Variants in PBX1 observed in about 807,000 individuals in gnomAD.
The protein encoded by PBX1 is PBX homeobox 1, also known as pre-B-cell leukemia transcription factor 1.
PBX1 carries 6 observed loss-of-function variants against 53.4 expected under a neutral mutation model. That is an observed-to-expected ratio of 0.11 (90% CI 0.06 to 0.22). PBX1 has a LOEUF of 0.22. Ranked by LOEUF, PBX1 falls within the 10% of genes least tolerant of loss-of-function variation. PBX1 has a pLI of 1.00. For synonymous variants in PBX1, 204 were observed against 212.3 expected (o/e 0.96, Z 0.34); for missense variants, 251 against 551.4 (o/e 0.46, Z 5.46).
chr1:164,562,223 A>G (rs1220636262), intron 1 of PBX1, among the ~76,000 whole-genome samples: 1 of 152,100 alleles, frequency 6.6e-6, no homozygotes, highest in South Asian at 2.1e-4. Context: ...CTTCATGAGG[A>G]TGTGTCTATT....
chr1:164,809,292 C>T (rs1187471540), intron 5 of PBX1, among the ~76,000 whole-genome samples: 1 of 152,092 alleles, frequency 6.6e-6, no homozygotes, highest in Non-Finnish European at 1.5e-5. Flanking sequence ...CCTTCACTTC[C>T]TTCATTATGG....
At chr1:164,663,807 C>G (rs1660652454) in intron 2 of PBX1, among the ~76,000 whole-genome samples, 1 of 152,152 alleles carries the variant, frequency 6.6e-6, no homozygotes, top group South Asian at 2.1e-4. Context: ...AGGGGTGAAC[C>G]CCAGGCCAAC....
intron 6 of PBX1, chr1:164,816,353 T>G (rs1225360938): frequency 1.3e-5 from 2 of 152,180 alleles, no homozygotes; most frequent in Non-Finnish European, 2.9e-5. Context: ...TCCTTTGAGC[T>G]CCCAAATGGT....
At chr1:164,668,459 T>G (rs1660936313) in intron 2 of PBX1, among the ~76,000 whole-genome samples, 1 of 148,726 alleles carries the variant, frequency 6.7e-6, no homozygotes, top group African/African-American at 2.5e-5. Context: ...CCACCATGAC[T>G]TAGGATCACC....
At chr1:164,792,059 G>A (rs912899500) in intron 2 of PBX1, among the ~76,000 whole-genome samples, 7 of 151,930 alleles carry the variant, frequency 4.6e-5, no homozygotes, top group Admixed American at 3.3e-4. Flanking sequence ...TCCTGACCTC[G>A]TGATCAACCC....
chr1:164,778,990 A>G (rs1277156047), intron 2 of PBX1, among the ~76,000 whole-genome samples: 2 of 152,138 alleles, frequency 1.3e-5, no homozygotes, highest in East Asian at 3.9e-4. Flanking sequence ...TGACTAAAAA[A>G]GGGTTAATAA....
intron 2 of PBX1, among the ~76,000 whole-genome samples, chr1:164,701,163 A>G (rs1240853053): frequency 2.6e-5 from 4 of 152,154 alleles, no homozygotes; most frequent in Non-Finnish European, 2.9e-5. Context: ...GCTAGGATAC[A>G]TAGAGTGGTA....
At chr1:164,653,113 C>T (rs541329469) in intron 2 of PBX1, among the ~76,000 whole-genome samples, 69 of 152,040 alleles carry the variant, frequency 4.5e-4, no homozygotes, top group African/African-American at 1.6e-3. Flanking sequence ...GTGATCTGCC[C>T]GCCTCAGCCT....
chr1:164,786,720 T>TGTGTGCGC lies in PBX1; in HGVS notation c.266-5773_266-5772insTGTGCGCG, dbSNP rs1357886882. 1.2e-3 allele frequency among the ~76,000 whole-genome samples: 140 copies of TGTGTGCGC among 116,276 alleles called. No homozygotes were observed. In the Middle Eastern group the frequency reaches 0.028, roughly 23 times the overall value. 76.3% of individuals were successfully genotyped at this position (116,276 alleles called of 152,430 possible). Reference sequence around the variant, plus strand: ...GTGTGTGTGTGTGTGTGTGTGTGTGTGCGCGCGCACACACACACACGCACA... The same window carrying TGTGTGCGC: ...GTGTGTGTGTGTGTGTGTGTGTGTGTGTGTGCGCGCGCGCGCACACACACACACGCACA... On this transcript the variant is annotated intron_variant, in intron 2 of 8. Coordinates refer to ENST00000420696, the MANE Select transcript of PBX1 (RefSeq NM_002585.4).
intron 2 of PBX1, among the ~76,000 whole-genome samples, chr1:164,646,052 C>G (rs879801505): frequency 1.3e-5 from 2 of 152,122 alleles, no homozygotes; most frequent in Admixed American, 1.3e-4. Context: ...TTATAAGGGC[C>G]AAACAAAAGT....
At chr1:164,647,384 C>T (rs908359152) in intron 2 of PBX1, among the ~76,000 whole-genome samples, 4 of 152,062 alleles carry the variant, frequency 2.6e-5, no homozygotes, top group South Asian at 2.1e-4. Context: ...GGAGGAAAAT[C>T]GTAAAGACTG....
At chr1:164,651,098 C>T (rs1012295612) in intron 2 of PBX1, among the ~76,000 whole-genome samples, 8 of 152,126 alleles carry the variant, frequency 5.3e-5, no homozygotes, top group African/African-American at 1.9e-4. Flanking sequence ...GTGATGAATT[C>T]GGTTTCCACC....
intron 2 of PBX1, among the ~76,000 whole-genome samples, chr1:164,651,256 CA>C (rs886205604): frequency 2.0e-5 from 3 of 147,820 alleles, no homozygotes; most frequent in African/African-American, 8.0e-5. Context: ...GGAGGCTGTG[CA>C]GGGGAGGGGG....
rs145415275 is a variant in PBX1, at chr1:164,751,370, A to G, written c.266-41124A>G. Among the ~76,000 whole-genome samples, 461 of 152,068 alleles carry G rather than the reference A, an allele frequency of 3.0e-3. 2 individuals carry two copies. Among genetic ancestry groups the G allele is most frequent in the African/African-American group, 0.011 (446 of 41,472 alleles). On this transcript the variant is annotated intron_variant, in intron 2 of 8. Transcript: ENST00000420696. ...TTTATTTACTCTCAGTCTTTTATGA[A>G]TGTGTACAATGGAGTTTTCCACAGG...
intron 2 of PBX1, among the ~76,000 whole-genome samples, chr1:164,582,501 C>T (rs1252124671): frequency 6.6e-6 from 1 of 151,586 alleles, no homozygotes; most frequent in East Asian, 1.9e-4. Context: ...CAGCTCACTG[C>T]AACCTCTGCC....
intron 2 of PBX1, among the ~76,000 whole-genome samples, chr1:164,664,860 G>C (rs1000905617): frequency 2.0e-5 from 3 of 152,008 alleles, no homozygotes; most frequent in Non-Finnish European, 1.5e-5. Flanking sequence ...AGAGAACAAC[G>C]TGGGAAAGAC....
chr1:164,744,022 G>C (rs1240860624), intron 2 of PBX1, among the ~76,000 whole-genome samples: 1 of 152,184 alleles, frequency 6.6e-6, no homozygotes. Context: ...CTAGAAGTCT[G>C]ATGGGAACTT....
At chr1:164,701,609 C>T (rs1663125874) in intron 2 of PBX1, among the ~76,000 whole-genome samples, 1 of 152,216 alleles carries the variant, frequency 6.6e-6, no homozygotes, top group South Asian at 2.1e-4. Context: ...CCTCTTCCTT[C>T]ACACTCTCTC....
intron 2 of PBX1, among the ~76,000 whole-genome samples, chr1:164,594,155 C>T (rs1042929733): frequency 6.6e-6 from 1 of 152,152 alleles, no homozygotes; most frequent in African/African-American, 2.4e-5. Context: ...GGACGTTGAG[C>T]CTCTATAAAG....
Sources: gnomAD v4.1 joint callset for allele counts (sites outside exome capture counted in the v4.1 genomes callset) on GRCh38, gnomAD v4.1.1 for gene constraint, MANE v1.5 for transcripts, NCBI Gene and HGNC (gene_info 2026-07-23, HGNC 2026-07-21) for gene names.